Variants in SLC6A13 observed in about 807,000 individuals in gnomAD.
SLC6A13 encodes sodium- and chloride-dependent GABA transporter 2.
SLC6A13 carries 69 observed loss-of-function variants against 72.9 expected under a neutral mutation model. That is an observed-to-expected ratio of 0.95 (90% CI 0.78 to 1.16). SLC6A13 has a LOEUF of 1.16. SLC6A13 is among the 50% of genes most tolerant of loss of function. SLC6A13 has a pLI of 0.00. For missense variants in SLC6A13, 735 were observed against 760.5 expected, an observed-to-expected ratio of 0.97 and a Z score of 0.39; for synonymous variants, 303 against 303.0, an observed-to-expected ratio of 1.00 and a Z score of 0.00.
At chr12:248,964 A>G (rs1942450033) in intron 2 of SLC6A13, among the ~76,000 whole-genome samples, 1 of 152,256 alleles carries the variant, frequency 6.6e-6, no homozygotes, top group Non-Finnish European at 1.5e-5. Flanking sequence ...TTAGAAATCT[A>G]TCAGAGAAAG....
At chr12:251,717 C>T (rs1942556009) in intron 2 of SLC6A13, among the ~76,000 whole-genome samples, 2 of 152,136 alleles carry the variant, frequency 1.3e-5, no homozygotes, top group African/African-American at 4.8e-5. Flanking sequence ...CTTTGGGAGG[C>T]CAAGGCTGGA....
At chr12:222,455 G>T in intron 13 of SLC6A13, 77 bp downstream of exon 13, 1 of 811,892 alleles carries the variant, frequency 1.2e-6, no homozygotes. Flanking sequence ...TCCATTGCAG[G>T]GCTAACGGCT....
chr12:233,223 CG>C (rs1941785232), intron 7 of SLC6A13, among the ~76,000 whole-genome samples: 1 of 152,182 alleles, frequency 6.6e-6, no homozygotes, highest in African/African-American at 2.4e-5. Context: ...AGGGCATAAC[CG>C]GGTAACAACA....
intron 1 of SLC6A13, among the ~76,000 whole-genome samples, chr12:260,720 A>T (rs1942898566): frequency 1.3e-5 from 2 of 152,270 alleles, no homozygotes; most frequent in Non-Finnish European, 2.9e-5. Context: ...TGCTCACAAT[A>T]TATAGTAAAA....
intron 10 of SLC6A13, 118 bp from the exon 11 acceptor site, chr12:224,247 G>C (rs915611934): frequency 1.8e-5 from 26 of 1,452,628 alleles, no homozygotes; most frequent in Non-Finnish European, 2.3e-5. Context: ...CAGGTCCCCT[G>C]AGCTATTGTC....
At chr12:250,861 C>G (rs1335710371) in intron 2 of SLC6A13, among the ~76,000 whole-genome samples, 1 of 72,536 alleles carries the variant, frequency 1.4e-5, no homozygotes, top group Non-Finnish European at 3.2e-5. Context: ...AACCTAAAAA[C>G]AGGGCCTGGC....
intron 9 of SLC6A13, among the ~76,000 whole-genome samples, chr12:225,028 C>T (rs1009963376): frequency 2.6e-5 from 4 of 152,238 alleles, no homozygotes; most frequent in South Asian, 2.1e-4. Flanking sequence ...ACCACCTCTG[C>T]GCCCGGAGCC....
intron 7 of SLC6A13, among the ~76,000 whole-genome samples, chr12:233,253 G>A (rs1027768347): frequency 3.7e-4 from 56 of 152,246 alleles, no homozygotes; most frequent in East Asian, 9.7e-4. Context: ...CCTCTGGGGC[G>A]GAGCTTACCC....
At chr12:234,984 C>G (rs1018797376) in intron 7 of SLC6A13, 106 bp downstream of exon 7, 1 of 1,336,608 alleles carries the variant, frequency 7.5e-7, no homozygotes, top group African/African-American at 1.4e-5. Context: ...ACTGTGGACA[C>G]CCTAGGGTAG....
intron 7 of SLC6A13, among the ~76,000 whole-genome samples, chr12:229,681 A>G (rs984885019): frequency 7.2e-5 from 11 of 152,320 alleles, no homozygotes; most frequent in African/African-American, 2.6e-4. Flanking sequence ...GTGTCCCGGG[A>G]GCCCGGAGTC....
rs987617006 is a variant in SLC6A13, at chr12:227,819, T to C, written c.832-151A>G. The C allele has an allele frequency of 2.1e-5, 14 of 666,934 alleles. 1 individual carries two copies. Among genetic ancestry groups the C allele is most frequent in the Middle Eastern group, 2.6e-4 (1 of 3,878 alleles). 41.3% of individuals were successfully genotyped at this position (666,934 alleles called of 1,614,324 possible). On this transcript the variant is annotated intron_variant, in intron 7 of 14. Coordinates refer to ENST00000343164, the MANE Select transcript of SLC6A13 (RefSeq NM_016615.5). Reference sequence around the variant, plus strand: ...AACACTTGCATCCTGCTACCTCTGCTCACCCCAGTGGGCTCTACTCCCTGG... The same window carrying C: ...AACACTTGCATCCTGCTACCTCTGCCCACCCCAGTGGGCTCTACTCCCTGG...
Position 254,377 on chromosome 12 carries a change from TCCC to T in SLC6A13, c.202+5471_202+5473del, listed in dbSNP as rs2137316778. Among the ~76,000 whole-genome samples, 1 of 152,074 alleles carries T rather than the reference TCCC, an allele frequency of 6.6e-6. No homozygotes were observed. Among genetic ancestry groups the T allele is most frequent in the South Asian group, 2.1e-4 (1 of 4,818 alleles). On this transcript the variant is annotated intron_variant, in intron 2 of 14. Coordinates refer to ENST00000343164, the MANE Select transcript of SLC6A13 (RefSeq NM_016615.5). This position sits in a 1 kb window ranked among gnomAD's most constrained non-coding sequence, Gnocchi z 4.4. Reference sequence around the variant, plus strand: ...CTATTTCCAATTCCTTTCTCCCATCTCCCCCATTATCTTAAATCCATTTCAATC... The same window carrying T: ...CTATTTCCAATTCCTTTCTCCCATCTCCATTATCTTAAATCCATTTCAATC...
At chr12:225,885 CA>C (rs1243019706) in intron 9 of SLC6A13, among the ~76,000 whole-genome samples, 10 of 152,160 alleles carry the variant, frequency 6.6e-5, no homozygotes, top group African/African-American at 2.4e-4. Flanking sequence ...AGCAAAATAG[CA>C]CTGCATGGTG....
intron 2 of SLC6A13, among the ~76,000 whole-genome samples, chr12:244,962 G>A (rs1472054860): frequency 1.3e-5 from 2 of 152,092 alleles, no homozygotes; most frequent in African/African-American, 4.8e-5. Flanking sequence ...CAAGACTACT[G>A]ATGCCAGATA....
In SLC6A13 at chr12:226,428, T is replaced by C; in HGVS notation, c.1022A>G (p.Gln341Arg). The change falls in exon 9 of 15, where the codon CAG (glutamine) becomes CGG (arginine). Residue 341 changes from glutamine to arginine, a missense_variant. By Grantham distance (43) the Gln-to-Arg change is conservative. Coordinates refer to ENST00000343164, the MANE Select transcript of SLC6A13 (RefSeq NM_016615.5). ...CTCAGAAATGGGCACCCCCTGCTCCTGAGACATGAAGCCCAGGATGGAGAA... is the reference window on the plus strand; with the variant it reads ...CTCAGAAATGGGCACCCCCTGCTCCCGAGACATGAAGCCCAGGATGGAGAA... Reference protein sequence around the residue: ...AIFSILGFMSQEQGVPISEVA... With the variant: ...AIFSILGFMSREQGVPISEVA... The C allele has an allele frequency of 6.2e-7, 1 of 1,614,024 alleles. No homozygotes were observed. The highest frequency in any genetic ancestry group is 1.3e-5 in the African/African-American group (1 of 75,052).
Position 220,837 on chromosome 12 carries a change from C to T in SLC6A13, c.*111G>A, listed in dbSNP as rs572417335. 2.2e-6 allele frequency: 3 copies of T among 1,383,196 alleles called. No individual in the cohort carries two copies. Among genetic ancestry groups the T allele is most frequent in the Non-Finnish European group, 9.9e-7 (1 of 1,013,824 alleles). 85.7% of individuals were successfully genotyped at this position (1,383,196 alleles called of 1,614,324 possible). On this transcript the variant is annotated 3_prime_UTR_variant, in exon 15 of 15. Transcript: ENST00000343164. ...GTGGACTCCAAAATACCCCTCTTGTCTTATCCACTCCAGGTCGGGGGCAGG... is the reference window on the plus strand; with the variant it reads ...GTGGACTCCAAAATACCCCTCTTGTTTTATCCACTCCAGGTCGGGGGCAGG...
chr12:235,788 C>T (rs959695392), intron 6 of SLC6A13, among the ~76,000 whole-genome samples: 4 of 152,132 alleles, frequency 2.6e-5, no homozygotes, highest in East Asian at 1.9e-4. Context: ...GGAGAGATGT[C>T]GCTAAATTCT....
chr12:228,170 C>G (rs569411857), intron 7 of SLC6A13, among the ~76,000 whole-genome samples: 2 of 152,140 alleles, frequency 1.3e-5, no homozygotes, highest in African/African-American at 4.8e-5. Context: ...CACAAAAAGG[C>G]AAAAGGACGA....
intron 9 of SLC6A13, 84 bp downstream of exon 9, chr12:226,306 G>T: frequency 6.5e-7 from 1 of 1,547,464 alleles, no homozygotes; most frequent in South Asian, 1.1e-5. Context: ...GAGTGCAGGT[G>T]ACACAATGGA....
Sources: gnomAD v4.1 joint callset for allele counts (sites outside exome capture counted in the v4.1 genomes callset) on GRCh38, gnomAD v4.1.1 for gene constraint, Gnocchi (gnomAD v3.1) non-coding constraint, MANE v1.5 for transcripts, NCBI Gene and HGNC (gene_info 2026-07-23, HGNC 2026-07-21) for gene names.